MAST2: variants seen among roughly 807,000 people sequenced by gnomAD.
The protein encoded by MAST2 is microtubule-associated serine/threonine-protein kinase 2.
Under a neutral mutation model 147.4 loss-of-function variants are expected in MAST2, and 70 were observed. That is an observed-to-expected ratio of 0.47 (90% CI 0.39 to 0.58). The LOEUF is 0.58. Among genes scored for constraint, MAST2 ranks in the 20% least tolerant of loss-of-function variants. MAST2 has a pLI of 0.00. For synonymous variants in MAST2, 869 were observed against 896.8 expected (o/e 0.97, Z 0.55); for missense variants, 2,080 against 2,302.3 (o/e 0.90, Z 1.98).
At position 46,021,943 on chromosome 1, in the gene MAST2, G is replaced by A; in HGVS notation, c.1291-7G>A. On this transcript the variant is annotated splice_region_variant and splice_polypyrimidine_tract_variant and intron_variant, in intron 11 of 28. Transcript: ENST00000361297. Reference sequence around the variant, plus strand: ...TCACCACTGACTATCTCTCTCCCTTGGTACAGGAGTTTGACCCTGAAGAGT... The same window carrying A: ...TCACCACTGACTATCTCTCTCCCTTAGTACAGGAGTTTGACCCTGAAGAGT... 6.2e-7 allele frequency: 1 copy of A among 1,613,984 alleles called. No individual in the cohort carries two copies. The highest frequency in any genetic ancestry group is 1.1e-5 in the South Asian group (1 of 91,054).
intron 5 of MAST2, among the ~76,000 whole-genome samples, chr1:45,984,106 T>C (rs1644519713): frequency 6.6e-6 from 1 of 152,182 alleles, no homozygotes; most frequent in South Asian, 2.1e-4. Flanking sequence ...TTTTGATCTA[T>C]TGTTTAAAAA....
intron 4 of MAST2, among the ~76,000 whole-genome samples, chr1:45,911,130 G>A (rs1465316715): frequency 1.3e-5 from 2 of 152,176 alleles, no homozygotes; most frequent in African/African-American, 4.8e-5. Flanking sequence ...GAAGGCAGGT[G>A]TTTCTTTCAC....
At chr1:45,847,884 C>T (rs759714735) in intron 3 of MAST2, among the ~76,000 whole-genome samples, 6 of 152,118 alleles carry the variant, frequency 3.9e-5, no homozygotes, top group African/African-American at 9.7e-5. Context: ...TGTGTTGCTT[C>T]GCACTGGTAT....
intron 3 of MAST2, among the ~76,000 whole-genome samples, chr1:45,835,136 A>G (rs1430490000): frequency 6.6e-6 from 1 of 152,144 alleles, no homozygotes; most frequent in Non-Finnish European, 1.5e-5. Flanking sequence ...GAGGCCATCA[A>G]GTATCCTAAG....
chr1:45,824,357 G>A (rs1057073709), intron 1 of MAST2, 76 bp from the exon 2 acceptor site: 2 of 1,136,976 alleles, frequency 1.8e-6, no homozygotes, highest in South Asian at 1.9e-5. Flanking sequence ...GAATGCTGTA[G>A]AGATGTTTAA....
At chr1:45,941,383 C>T (rs1356284905) in intron 4 of MAST2, among the ~76,000 whole-genome samples, 1 of 152,102 alleles carries the variant, frequency 6.6e-6, no homozygotes, top group Non-Finnish European at 1.5e-5. Context: ...CCTCAGCCTC[C>T]CGAGTAGCTG....
chr1:45,836,842 C>G (rs1570304357), intron 3 of MAST2, among the ~76,000 whole-genome samples: 1 of 152,106 alleles, frequency 6.6e-6, no homozygotes, highest in Non-Finnish European at 1.5e-5. Context: ...ATTCCCCAAC[C>G]TTTTTGGCAC....
At chr1:45,917,741 C>G (rs1309621206) in intron 4 of MAST2, among the ~76,000 whole-genome samples, 2 of 152,088 alleles carry the variant, frequency 1.3e-5, no homozygotes, top group Non-Finnish European at 1.5e-5. Flanking sequence ...ATTTTTGAGG[C>G]TATTATAAGT....
At chr1:45,915,231 C>A (rs1347982309) in intron 4 of MAST2, among the ~76,000 whole-genome samples, 2 of 152,190 alleles carry the variant, frequency 1.3e-5, no homozygotes, top group African/African-American at 2.4e-5. Context: ...TCATGCTCTT[C>A]AAATGTGGGT....
chr1:45,978,934 A>G (rs980459244), intron 5 of MAST2, among the ~76,000 whole-genome samples: 4 of 152,200 alleles, frequency 2.6e-5, no homozygotes, highest in African/African-American at 9.7e-5. Flanking sequence ...CTGGAATTAT[A>G]TAATGGTTAT....
chr1:45,913,829 A>G, intron 4 of MAST2: 1 of 1,220,330 alleles, frequency 8.2e-7, no homozygotes, highest in East Asian at 7.6e-5. Flanking sequence ...TAGCCAGGAG[A>G]ATGATGAAAC....
chr1:45,843,859 T>C (rs1645349343), intron 3 of MAST2, among the ~76,000 whole-genome samples: 1 of 152,158 alleles, frequency 6.6e-6, no homozygotes, highest in Non-Finnish European at 1.5e-5. Context: ...TTCATGAGAC[T>C]TGAGCAGTAT....
At chr1:45,961,796 A>G (rs1465152686) in intron 5 of MAST2, among the ~76,000 whole-genome samples, 3 of 152,074 alleles carry the variant, frequency 2.0e-5, no homozygotes, top group Non-Finnish European at 4.4e-5. Context: ...TTATACTTTA[A>G]GTTCTAGGGT....
chr1:45,859,963 T>C (rs1162413951), intron 3 of MAST2, among the ~76,000 whole-genome samples: 1 of 152,160 alleles, frequency 6.6e-6, no homozygotes, highest in African/African-American at 2.4e-5. Flanking sequence ...TTCAAGTTTC[T>C]ACTACACTGT....
chr1:45,983,111 A>T lies in MAST2; in HGVS notation c.593-14613A>T, dbSNP rs182315449. Among the ~76,000 whole-genome samples the T allele has an allele frequency of 1.2e-3, 185 of 152,334 alleles. 1 individual carries two copies. The highest frequency in any genetic ancestry group is 2.4e-3 in the Non-Finnish European group (165 of 68,026). On this transcript the variant is annotated intron_variant, in intron 5 of 28. Coordinates refer to ENST00000361297, the MANE Select transcript of MAST2 (RefSeq NM_015112.3). ...CTATTACCCTGGCAACAACTCCATA[A>T]CTTGGAAACCATTTCTTTTCTCCAA...
intron 4 of MAST2, among the ~76,000 whole-genome samples, chr1:45,915,270 T>A (rs1401684853): frequency 6.6e-6 from 1 of 152,128 alleles, no homozygotes; most frequent in African/African-American, 2.4e-5. Flanking sequence ...ATTTTCTCTG[T>A]TTTACTGACT....
intron 3 of MAST2, among the ~76,000 whole-genome samples, chr1:45,859,217 G>A (rs1039351936): frequency 1.3e-5 from 2 of 152,112 alleles, no homozygotes; most frequent in African/African-American, 4.8e-5. Flanking sequence ...GTCTCAGCCT[G>A]ATGAGTAGCT....
At chr1:45,937,690 T>G (rs539974556) in intron 4 of MAST2, among the ~76,000 whole-genome samples, 1 of 128,848 alleles carries the variant, frequency 7.8e-6, no homozygotes, top group South Asian at 2.5e-4. Context: ...AGGTGGAGGT[T>G]GCAGTGAGCC....
intron 4 of MAST2, among the ~76,000 whole-genome samples, chr1:45,938,170 G>A (rs892481996): frequency 2.0e-5 from 3 of 152,132 alleles, no homozygotes; most frequent in Non-Finnish European, 4.4e-5. Flanking sequence ...TATTTTGTTA[G>A]TCCATTCACC....
Sources: gnomAD v4.1 joint callset for allele counts (sites outside exome capture counted in the v4.1 genomes callset) on GRCh38, gnomAD v4.1.1 for gene constraint, MANE v1.5 for transcripts, NCBI Gene and HGNC (gene_info 2026-07-23, HGNC 2026-07-21) for gene names.